NSMCE2: variants seen among roughly 807,000 people sequenced by gnomAD.
The protein encoded by NSMCE2 is NSE2 SUMO ligase component of SMC5/6 complex, also known as E3 SUMO-protein ligase NSE2.
NSMCE2 carries 24 observed loss-of-function variants against 23.8 expected under a neutral mutation model. The observed-to-expected ratio is 1.01, with a 90% CI of 0.73 to 1.42. The LOEUF (loss-of-function observed/expected upper bound fraction) is 1.42, where lower values mean the gene tolerates loss of function less well. Among genes scored for constraint, NSMCE2 ranks in the 40% most tolerant of loss-of-function variants. The probability of loss-of-function intolerance (pLI) is 0.00; values close to 1 mark genes in which losing one functional copy is unlikely to be tolerated. For missense variants in NSMCE2, 284 were observed against 296.5 expected, an observed-to-expected ratio of 0.96 and a Z score of 0.31; for synonymous variants, 92 against 94.1, an observed-to-expected ratio of 0.98 and a Z score of 0.13.
intron 4 of NSMCE2, among the ~76,000 whole-genome samples, chr8:125,153,863 C>CAA (rs1337066929): frequency 2.0e-5 from 3 of 152,120 alleles, no homozygotes; most frequent in African/African-American, 7.2e-5. Context: ...AGAGATGGAA[C>CAA]AAAATCTTCT....
At chr8:125,261,448 AC>A (rs1826688125) in intron 5 of NSMCE2, among the ~76,000 whole-genome samples, 2 of 152,198 alleles carry the variant, frequency 1.3e-5, no homozygotes, top group Non-Finnish European at 2.9e-5. Context: ...CTCTGTGGTT[AC>A]TATTCTCAGG....
chr8:125,311,877 G>A (rs1414121216), intron 5 of NSMCE2, among the ~76,000 whole-genome samples: 2 of 151,970 alleles, frequency 1.3e-5, no homozygotes, highest in African/African-American at 4.8e-5. Context: ...TTGAGAGTTC[G>A]AGACCAGCCT....
chr8:125,253,928 A>C (rs1416171327), intron 5 of NSMCE2, among the ~76,000 whole-genome samples: 1 of 152,156 alleles, frequency 6.6e-6, no homozygotes, highest in African/African-American at 2.4e-5. Flanking sequence ...ATTTTTTGGC[A>C]GTCATAGTCA....
chr8:125,108,265 C>T lies in NSMCE2; in HGVS notation c.157+5778C>T, dbSNP rs184966520. Among the ~76,000 whole-genome samples, 666 of 152,288 alleles carry T rather than the reference C, an allele frequency of 4.4e-3. 4 individuals are homozygous for T. The highest frequency in any genetic ancestry group is 7.3e-3 in the Non-Finnish European group (499 of 68,026). On this transcript the variant is annotated intron_variant, in intron 3 of 7. Transcript: ENST00000287437. ...GGCAATCACTCCCACTGGGGTAATT[C>T]AGCAAGAACTTGTTAGGGGAGCAGT...
chr8:125,320,917 T>G (rs1369572367), intron 5 of NSMCE2, among the ~76,000 whole-genome samples: 4 of 152,280 alleles, frequency 2.6e-5, no homozygotes, highest in African/African-American at 9.6e-5. Context: ...TGCGGAGGCC[T>G]CAGGAAACTG....
intron 5 of NSMCE2, among the ~76,000 whole-genome samples, chr8:125,222,475 A>G (rs1824908094): frequency 6.6e-6 from 1 of 152,148 alleles, no homozygotes; most frequent in Admixed American, 6.5e-5. Flanking sequence ...CCTCCCGTCT[A>G]ACTGAAACAT....
chr8:125,340,785 G>A (rs946832758), intron 5 of NSMCE2, among the ~76,000 whole-genome samples: 1 of 152,090 alleles, frequency 6.6e-6, no homozygotes, highest in African/African-American at 2.4e-5. Flanking sequence ...CTCAGTCTGG[G>A]TGAAGAGGAT....
intron 5 of NSMCE2, among the ~76,000 whole-genome samples, chr8:125,183,093 G>C (rs1822906342): frequency 6.6e-6 from 1 of 152,028 alleles, no homozygotes; most frequent in Non-Finnish European, 1.5e-5. Context: ...TCTAACTTTA[G>C]TCTCCCAACA....
chr8:125,117,178 T>C (rs545827331), intron 3 of NSMCE2, among the ~76,000 whole-genome samples: 3 of 152,214 alleles, frequency 2.0e-5, no homozygotes, highest in Admixed American at 6.5e-5. Context: ...TTAGGGTAGC[T>C]GCTGCTTAAT....
chr8:125,271,403 G>T (rs1214902459), intron 5 of NSMCE2, among the ~76,000 whole-genome samples: 1 of 152,158 alleles, frequency 6.6e-6, no homozygotes, highest in African/African-American at 2.4e-5. Flanking sequence ...GAATGTTGTG[G>T]TAATCACTTG....
chr8:125,283,329 C>G (rs559823597), intron 5 of NSMCE2, among the ~76,000 whole-genome samples: 8 of 152,058 alleles, frequency 5.3e-5, no homozygotes, highest in Non-Finnish European at 7.4e-5. Flanking sequence ...TGGGTGATCA[C>G]TTGAGTCCAG....
intron 3 of NSMCE2, among the ~76,000 whole-genome samples, chr8:125,143,416 A>G (rs903086139): frequency 1.3e-5 from 2 of 152,200 alleles, no homozygotes; most frequent in Non-Finnish European, 2.9e-5. Context: ...CAATCAGGCA[A>G]TCCCTTGCCG....
At chr8:125,329,852 G>A (rs1829806310) in intron 5 of NSMCE2, among the ~76,000 whole-genome samples, 1 of 152,198 alleles carries the variant, frequency 6.6e-6, no homozygotes, top group African/African-American at 2.4e-5. Context: ...CTCAGTTCAA[G>A]GCCTGGTAGA....
intron 5 of NSMCE2, among the ~76,000 whole-genome samples, chr8:125,207,153 G>GTT (rs368008511): frequency 6.8e-5 from 10 of 147,256 alleles, no homozygotes; most frequent in Non-Finnish European, 9.0e-5. Flanking sequence ...GAATTCACCA[G>GTT]TTTTTTTTTT....
intron 5 of NSMCE2, among the ~76,000 whole-genome samples, chr8:125,233,077 C>T (rs1271135415): frequency 6.6e-6 from 1 of 152,188 alleles, no homozygotes; most frequent in Admixed American, 6.5e-5. Flanking sequence ...AGTAAGGAAT[C>T]TGAAGCGTGG....
rs189872564 is a variant in NSMCE2, at chr8:125,217,656, G to A, written c.418+35400G>A. On this transcript the variant is annotated intron_variant, in intron 5 of 7. Transcript: ENST00000287437. Reference sequence around the variant, plus strand: ...GCTGGGATTACAGGCGTGAGCCACCGCGCCTGGCCCTGATCACTTTTTAAA... The same window carrying A: ...GCTGGGATTACAGGCGTGAGCCACCACGCCTGGCCCTGATCACTTTTTAAA... 6.4e-4 allele frequency among the ~76,000 whole-genome samples: 98 copies of A among 152,184 alleles called. 1 individual carries two copies. Among genetic ancestry groups the A allele is most frequent in the Middle Eastern group, 3.4e-3 (1 of 294 alleles).
intron 5 of NSMCE2, among the ~76,000 whole-genome samples, chr8:125,242,298 T>G (rs1171062293): frequency 6.6e-6 from 1 of 151,586 alleles, no homozygotes; most frequent in African/African-American, 2.4e-5. Context: ...TCCCGTAGAA[T>G]CAAAGGGAAG....
Position 125,100,829 on chromosome 8 carries a change from G to T in NSMCE2, c.-110-1222G>T, listed in dbSNP as rs556589358. Among the ~76,000 whole-genome samples, 40 of 152,320 alleles carry T rather than the reference G, an allele frequency of 2.6e-4. No individual in the cohort carries two copies. In the South Asian group the frequency reaches 8.3e-3, roughly 32 times the overall value. Reference sequence around the variant, plus strand: ...TCCTGCTTCAGCCTCCCAAAGTGCTGGGATTACAGGTGTGAGCCATTGCGC... The same window carrying T: ...TCCTGCTTCAGCCTCCCAAAGTGCTTGGATTACAGGTGTGAGCCATTGCGC... On this transcript the variant is annotated intron_variant, in intron 1 of 7. Coordinates refer to ENST00000287437, the MANE Select transcript of NSMCE2 (RefSeq NM_173685.4).
intron 3 of NSMCE2, among the ~76,000 whole-genome samples, chr8:125,144,464 AC>A (rs1373048804): frequency 6.6e-6 from 1 of 152,188 alleles, no homozygotes; most frequent in Non-Finnish European, 1.5e-5. Flanking sequence ...CTGAACAAAT[AC>A]GGTATGAACA....
Sources: allele counts gnomAD v4.1 joint callset (sites outside exome capture counted in the v4.1 genomes callset), GRCh38; gene constraint gnomAD v4.1.1; transcripts MANE v1.5; gene names NCBI Gene and HGNC (gene_info 2026-07-23, HGNC 2026-07-21).